The following RAD54L2 variants were observed in gnomAD, a reference collection of about 807,000 sequenced individuals.
RAD54L2 encodes helicase ARIP4.
RAD54L2 carries 27 observed loss-of-function variants against 138.4 expected under a neutral mutation model. That is an observed-to-expected ratio of 0.20 (90% CI 0.14 to 0.27). The LOEUF (loss-of-function observed/expected upper bound fraction) is 0.27. Among genes scored for constraint, RAD54L2 ranks in the 10% least tolerant of loss-of-function variants. The probability of loss-of-function intolerance (pLI) is 1.00; values close to 1 mark genes in which losing one functional copy is unlikely to be tolerated. For missense variants in RAD54L2, 1,396 were observed against 1,890.2 expected, an observed-to-expected ratio of 0.74 and a Z score of 4.85; for synonymous variants, 644 against 723.2, an observed-to-expected ratio of 0.89 and a Z score of 1.76.
chr3:51,639,920 G>A lies in RAD54L2; in HGVS notation c.2152G>A (p.Glu718Lys). Residue 718 changes from glutamate (E) to lysine (K), a missense_variant, in exon 14 of 23, where the codon GAA becomes AAA. By Grantham distance (56) the Glu-to-Lys change is moderately conservative. This residue lies in a region of RAD54L2 where 211 missense variants were observed against 273.8 expected (regional missense o/e 0.77). Transcript: ENST00000684192. ...GACTAATTACCAGACTGGAGTCCTA[G>A]AAAACTCTCCCAAGATGGTACTGCT... is the stretch of plus-strand genomic sequence containing the variant. The part of the protein sequence containing the change: ...LLTNYQTGVL[E>K]NSPKMVLLFH... The A allele has an allele frequency of 6.2e-7, 1 of 1,612,114 alleles. No homozygotes were observed. The highest frequency in any genetic ancestry group is 8.5e-7 in the Non-Finnish European group (1 of 1,178,794).
chr3:51,629,586 C>T (rs961470543), intron 5 of RAD54L2, 113 bp downstream of exon 5: 59 of 1,317,390 alleles, frequency 4.5e-5, no homozygotes, highest in Admixed American at 7.8e-5. Context: ...CGGCTGGGCG[C>T]GGTGGCTCAC....
At chr3:51,652,764 A>G (rs1045162779) in intron 19 of RAD54L2, among the ~76,000 whole-genome samples, 1 of 152,248 alleles carries the variant, frequency 6.6e-6, no homozygotes, top group Admixed American at 6.5e-5. Flanking sequence ...CTTACACCTT[A>G]TACAAAAATC....
chr3:51,566,445 T>C (rs1267936290), intron 2 of RAD54L2, among the ~76,000 whole-genome samples: 2 of 150,998 alleles, frequency 1.3e-5, no homozygotes, highest in Non-Finnish European at 2.9e-5. Context: ...AGGTTCTGAA[T>C]TTTATCACAG....
At chr3:51,626,530 C>T (rs1039660590) in intron 3 of RAD54L2, among the ~76,000 whole-genome samples, 2 of 141,546 alleles carry the variant, frequency 1.4e-5, no homozygotes, top group African/African-American at 5.2e-5. Flanking sequence ...CTGCAACCTC[C>T]GCCTCCTGGG....
intron 3 of RAD54L2, among the ~76,000 whole-genome samples, chr3:51,609,807 A>G (rs1321669348): frequency 2.0e-5 from 3 of 150,806 alleles, no homozygotes; most frequent in Non-Finnish European, 4.4e-5. Context: ...AGAATGAGCT[A>G]TTTTTTCTCT....
chr3:51,548,032 C>CA (rs1424887889), intron 2 of RAD54L2, among the ~76,000 whole-genome samples: 1 of 145,244 alleles, frequency 6.9e-6, no homozygotes, highest in African/African-American at 2.6e-5. Context: ...ACTGGGATTA[C>CA]AGGCACCTGC....
At position 51,656,047 on chromosome 3, in the gene RAD54L2, C is replaced by T. The variant is rs1457840357; in HGVS notation, c.3103C>T (p.Pro1035Ser). 1.2e-6 allele frequency: 2 copies of T among 1,613,904 alleles called. No homozygotes were observed. Among genetic ancestry groups the T allele is most frequent in the African/African-American group, 1.3e-5 (1 of 74,946 alleles). The change falls in exon 20 of 23, where the codon CCC becomes TCC. Residue 1035 changes from proline (P) to serine (S), a missense_variant. Physicochemically the swap from Pro to Ser is moderately conservative, Grantham distance 74. Coordinates refer to ENST00000684192, the MANE Select transcript of RAD54L2 (RefSeq NM_015106.4). ...PVQSTPIPMM[P>S]RHVPLGGSVS... ...GCAGTCCACCCCCATCCCCATGATG[C>T]CCCGGCATGTCCCATTGGGAGGAAG... is the stretch of plus-strand genomic sequence containing the variant.
chr3:51,598,119 G>GTA (rs562049585), intron 3 of RAD54L2, among the ~76,000 whole-genome samples: 3,372 of 146,128 alleles, frequency 0.023, 114 homozygotes, highest in African/African-American at 0.072. Context: ...ATGTGTGTGT[G>GTA]TATATATATA....
intron 2 of RAD54L2, among the ~76,000 whole-genome samples, chr3:51,555,517 C>T (rs1008962971): frequency 6.6e-6 from 1 of 152,106 alleles, no homozygotes; most frequent in African/African-American, 2.4e-5. Context: ...ATTAGCCAGG[C>T]GTGGTGTTGC....
chr3:51,598,131 A>G (rs1003694639), intron 3 of RAD54L2, among the ~76,000 whole-genome samples: 7 of 145,846 alleles, frequency 4.8e-5, no homozygotes, highest in Non-Finnish European at 9.0e-5. Flanking sequence ...ATATATATAT[A>G]TATGTGTGTA....
At position 51,578,297 on chromosome 3, in the gene RAD54L2, C is replaced by G. The variant is rs1699526535; in HGVS notation, c.-54-12070C>G. ...TTGTCTTCTAATTCTCATTCTGATC[C>G]TGACTTCCTCACGACATTCTAGGGA... is the stretch of plus-strand genomic sequence containing the variant. On this transcript the variant is annotated intron_variant, in intron 2 of 22. Transcript: ENST00000684192. Among the ~76,000 whole-genome samples, 3 of 152,142 alleles carry G rather than the reference C, an allele frequency of 2.0e-5. No individual in the cohort carries two copies. In the South Asian group the frequency reaches 6.2e-4, roughly 32 times the overall value.
At chr3:51,584,352 A>T (rs559314044) in intron 2 of RAD54L2, among the ~76,000 whole-genome samples, 8 of 152,208 alleles carry the variant, frequency 5.3e-5, no homozygotes, top group African/African-American at 1.7e-4. Flanking sequence ...CAAAATCATC[A>T]TTATATTTCC....
chr3:51,655,987 G>A lies in RAD54L2; in HGVS notation c.3043G>A (p.Gly1015Ser), dbSNP rs767939056. 2.3e-5 allele frequency: 37 copies of A among 1,602,450 alleles called. No homozygotes were observed. The highest frequency in any genetic ancestry group is 3.1e-5 in the Non-Finnish European group (36 of 1,172,090). Residue 1015 changes from glycine to serine, a missense_variant, in exon 20 of 23, where the codon GGT (glycine) becomes AGT (serine). Physicochemically the swap from Gly to Ser is moderately conservative, Grantham distance 56. Transcript: ENST00000684192. ...SQRNWQPTLK[G>S]DEKPVASVRP... ...CTCTTACAGGCAGCCAACTTTGAAG[G>A]GTGATGAAAAGCCTGTGGCCAGTGT...
intron 19 of RAD54L2, among the ~76,000 whole-genome samples, chr3:51,652,831 T>A (rs1325186420): frequency 2.0e-4 from 31 of 152,244 alleles, no homozygotes; most frequent in Non-Finnish European, 2.6e-4. Flanking sequence ...AAACCCTAGA[T>A]GAAAACCTAG....
At chr3:51,566,553 C>T (rs1435855959) in intron 2 of RAD54L2, among the ~76,000 whole-genome samples, 3 of 139,978 alleles carry the variant, frequency 2.1e-5, no homozygotes, top group African/African-American at 8.0e-5. Context: ...CATCACAGCT[C>T]ACTGCAGCCT....
chr3:51,640,252 A>C (rs1701097849), intron 14 of RAD54L2, among the ~76,000 whole-genome samples: 1 of 152,212 alleles, frequency 6.6e-6, no homozygotes, highest in Non-Finnish European at 1.5e-5. Flanking sequence ...TTGAGAGCTA[A>C]GGATAGTTTT....
intron 20 of RAD54L2, among the ~76,000 whole-genome samples, chr3:51,656,568 T>C (rs1701605769): frequency 6.6e-6 from 1 of 152,140 alleles, no homozygotes. Flanking sequence ...AATTGTCACT[T>C]GCGTCTACCT....
intron 3 of RAD54L2, among the ~76,000 whole-genome samples, chr3:51,603,227 T>C (rs146946441): frequency 4.0e-5 from 6 of 151,660 alleles, no homozygotes; most frequent in South Asian, 2.1e-4. Context: ...GAGGATCACT[T>C]GAGCCAGGAG....
Position 51,663,298 on chromosome 3 carries a change from G to C in RAD54L2, c.4282G>C (p.Ala1428Pro), listed in dbSNP as rs1234148251. ...CATGTCCCCACATGCAGGCTACCCA[G>C]CTGGTGGCCTCCTACGGTCCCAGGT... ...GYMSPHAGYP[A>P]GGLLRSQVPP... is the part of the protein sequence containing the mutation. The change falls in exon 23 of 23, where the codon GCT (alanine) becomes CCT (proline). Residue 1428 changes from alanine (A) to proline (P), a missense_variant. Ala to Pro is a conservative substitution (Grantham distance 27). This residue lies in a region of RAD54L2 where 634 missense variants were observed against 711.2 expected (regional missense o/e 0.89). Transcript: ENST00000684192. 1 of 1,613,932 alleles carries C rather than the reference G, an allele frequency of 6.2e-7. No homozygotes were observed. Among genetic ancestry groups the C allele is most frequent in the Non-Finnish European group, 8.5e-7 (1 of 1,179,882 alleles).
Sources: gnomAD v4.1 joint callset for allele counts (sites outside exome capture counted in the v4.1 genomes callset) on GRCh38, gnomAD v4.1.1 for gene constraint, gnomAD v4.1.1 regional missense constraint, MANE v1.5 for transcripts, NCBI Gene and HGNC (gene_info 2026-07-23, HGNC 2026-07-21) for gene names.